Variants in GPC5 observed in about 807,000 individuals in gnomAD.
GPC5 encodes the protein glypican 5, also known as glypican-5.
Under a neutral mutation model 53.9 loss-of-function variants are expected in GPC5, and 47 were observed. That is an observed-to-expected ratio of 0.87 (90% CI 0.69 to 1.11). The LOEUF (loss-of-function observed/expected upper bound fraction) is 1.11, where lower values mean the gene tolerates loss of function less well. Among genes scored for constraint, GPC5 ranks in the 50% most tolerant of loss-of-function variants. The probability of loss-of-function intolerance (pLI) is 0.00; values close to 1 mark genes in which losing one functional copy is unlikely to be tolerated. For missense variants in GPC5, 748 were observed against 713.1 expected, an observed-to-expected ratio of 1.05 and a Z score of -0.56; for synonymous variants, 286 against 263.3, an observed-to-expected ratio of 1.09 and a Z score of -0.84.
At chr13:91,526,448 G>A (rs553120189) in intron 2 of GPC5, among the ~76,000 whole-genome samples, 1 of 152,188 alleles carries the variant, frequency 6.6e-6, no homozygotes, top group Non-Finnish European at 1.5e-5. Context: ...TTTCTTCCAA[G>A]ATAAGAAAAA....
At chr13:92,458,315 G>T (rs1878352349) in intron 7 of GPC5, among the ~76,000 whole-genome samples, 1 of 134,004 alleles carries the variant, frequency 7.5e-6, no homozygotes, top group East Asian at 2.5e-4. Context: ...GGGGGGGCAG[G>T]GTGGGGGATG....
At chr13:91,809,323 T>C (rs879489313) in intron 5 of GPC5, among the ~76,000 whole-genome samples, 4 of 152,170 alleles carry the variant, frequency 2.6e-5, no homozygotes, top group Non-Finnish European at 4.4e-5. Context: ...TTATCCTGTC[T>C]GCAGAAGTTT....
intron 7 of GPC5, chr13:92,709,623 C>G (rs749616677): frequency 2.0e-5 from 3 of 152,178 alleles, no homozygotes; most frequent in African/African-American, 4.8e-5. Flanking sequence ...ATGGGTGCCA[C>G]TTAGCACTTC....
At position 92,029,926 on chromosome 13, in the gene GPC5, A is replaced by G. The variant is rs201177108; in HGVS notation, c.1402-114904A>G. Among the ~76,000 whole-genome samples the G allele has an allele frequency of 8.7e-4, 133 of 152,276 alleles. 1 individual carries two copies. The Middle Eastern group carries it at 0.034, about 39-fold the overall frequency. On this transcript the variant is annotated intron_variant, in intron 6 of 7. Coordinates refer to ENST00000377067, the MANE Select transcript of GPC5 (RefSeq NM_004466.6). The stretch of plus-strand genomic sequence containing the variant: ...ACAGCCTACAGAAAATTAACCATGA[A>G]TCCGTTCCTTACCGAAGGAAACTGA...
chr13:92,639,673 T>G (rs2139146788), intron 7 of GPC5, among the ~76,000 whole-genome samples: 1 of 152,368 alleles, frequency 6.6e-6, no homozygotes, highest in South Asian at 2.1e-4. Flanking sequence ...TTTTCAATTC[T>G]ACCTTATAAT....
chr13:92,230,202 T>C (rs1295673713), intron 7 of GPC5, among the ~76,000 whole-genome samples: 1 of 152,158 alleles, frequency 6.6e-6, no homozygotes, highest in Non-Finnish European at 1.5e-5. Flanking sequence ...ATTACTCTTA[T>C]CTACAAAGCC....
chr13:92,523,773 C>A (rs374735161), intron 7 of GPC5, among the ~76,000 whole-genome samples: 1 of 152,030 alleles, frequency 6.6e-6, no homozygotes, highest in East Asian at 1.9e-4. Flanking sequence ...TTAATTATTT[C>A]ATTTGAATTA....
At chr13:92,361,203 G>T (rs2043563607) in intron 7 of GPC5, among the ~76,000 whole-genome samples, 3 of 151,636 alleles carry the variant, frequency 2.0e-5, no homozygotes. Flanking sequence ...AAAAACAATG[G>T]ATGCTAAAGA....
intron 3 of GPC5, among the ~76,000 whole-genome samples, chr13:91,718,099 T>C (rs1227704928): frequency 2.0e-5 from 3 of 151,236 alleles, no homozygotes; most frequent in African/African-American, 4.9e-5. Context: ...TCCCCTAATC[T>C]TTGTTGTTGT....
At chr13:92,507,414 T>C (rs1880411633) in intron 7 of GPC5, among the ~76,000 whole-genome samples, 1 of 152,244 alleles carries the variant, frequency 6.6e-6, no homozygotes, top group Non-Finnish European at 1.5e-5. Context: ...GCTTCAGTCC[T>C]TTCATTATAA....
chr13:92,138,593 G>A (rs527376882), intron 6 of GPC5, among the ~76,000 whole-genome samples: 1 of 152,052 alleles, frequency 6.6e-6, no homozygotes, highest in Admixed American at 6.6e-5. Context: ...TCAATCTGTA[G>A]ATTCATTTCA....
chr13:91,794,526 T>C (rs58932811), intron 5 of GPC5, among the ~76,000 whole-genome samples: 12,224 of 152,238 alleles, frequency 0.08, 891 homozygotes, highest in East Asian at 0.22. Context: ...AAATGTCTTC[T>C]GATTTTCTTA....
At chr13:92,715,834 A>G (rs1888310483) in intron 7 of GPC5, among the ~76,000 whole-genome samples, 1 of 152,158 alleles carries the variant, frequency 6.6e-6, no homozygotes, top group Non-Finnish European at 1.5e-5. Context: ...TACAACAAAC[A>G]TGTTTTCTGT....
At chr13:92,467,852 A>C (rs926228769) in intron 7 of GPC5, among the ~76,000 whole-genome samples, 3 of 152,108 alleles carry the variant, frequency 2.0e-5, no homozygotes, top group African/African-American at 7.2e-5. Context: ...ATGTCTCTCT[A>C]ATGGATGCAG....
intron 7 of GPC5, among the ~76,000 whole-genome samples, chr13:92,352,946 G>GCA (rs2043491517): frequency 6.6e-6 from 1 of 152,156 alleles, no homozygotes; most frequent in Admixed American, 6.5e-5. Context: ...GTTCACAATA[G>GCA]CAAAAGTCTA....
chr13:91,463,679 A>G (rs1478702144), intron 2 of GPC5, among the ~76,000 whole-genome samples: 2 of 152,154 alleles, frequency 1.3e-5, no homozygotes, highest in African/African-American at 4.8e-5. Flanking sequence ...AGGCTATTCA[A>G]TGGAGAAAGA....
intron 2 of GPC5, among the ~76,000 whole-genome samples, chr13:91,647,183 A>C (rs1293141740): frequency 6.6e-6 from 1 of 151,772 alleles, no homozygotes; most frequent in East Asian, 1.9e-4. Flanking sequence ...TGCAGGGTAT[A>C]CATGTGGCAA....
intron 7 of GPC5, among the ~76,000 whole-genome samples, chr13:92,644,275 A>G (rs1339424870): frequency 6.6e-6 from 1 of 152,220 alleles, no homozygotes; most frequent in East Asian, 1.9e-4. Flanking sequence ...AAATACCTGT[A>G]CCTTTGCTGC....
chr13:92,527,456 A>G (rs1003667161), intron 7 of GPC5, among the ~76,000 whole-genome samples: 6 of 152,090 alleles, frequency 3.9e-5, no homozygotes, highest in Non-Finnish European at 7.4e-5. Context: ...TGCTAAGAGG[A>G]CAAGTAAAAT....
Sources: allele counts gnomAD v4.1 joint callset (sites outside exome capture counted in the v4.1 genomes callset), GRCh38; gene constraint gnomAD v4.1.1; transcripts MANE v1.5; gene names NCBI Gene and HGNC (gene_info 2026-07-23, HGNC 2026-07-21).